RALGPS1: variants seen among roughly 807,000 people sequenced by gnomAD.
The protein encoded by RALGPS1 is ras-specific guanine nucleotide-releasing factor RalGPS1.
RALGPS1 carries 19 observed loss-of-function variants against 78.8 expected under a neutral mutation model. That is an observed-to-expected ratio of 0.24 (90% CI 0.17 to 0.35). The LOEUF is 0.35. RALGPS1 is among the 10% of genes least tolerant of loss of function. The pLI, the probability that RALGPS1 is intolerant of heterozygous loss-of-function variation, is 1.00. For missense variants in RALGPS1, 454 were observed against 688.3 expected (o/e 0.66, Z 3.81); for synonymous variants, 228 against 256.3 (o/e 0.89, Z 1.06).
rs189386131 is a variant in RALGPS1, at chr9:127,184,235, G to T, written c.910+9453G>T. On this transcript the variant is annotated intron_variant, in intron 11 of 18. Transcript: ENST00000259351. ...AGCTCCTCAGGGCTTAGGCGAGATC[G>T]CTTGATCCCAGGAGGGGGAGGCTAC... 9 of 552,602 alleles carry T rather than the reference G, an allele frequency of 1.6e-5. No homozygotes were observed. The Admixed American group carries it at 2.1e-4, about 13-fold the overall frequency. The allele number at this position is 552,602 out of a possible 1,614,324, so 34.2% of individuals were successfully genotyped here.
chr9:127,106,231 A>G (rs924670173), intron 8 of RALGPS1, among the ~76,000 whole-genome samples: 5 of 148,866 alleles, frequency 3.4e-5, no homozygotes, highest in African/African-American at 4.9e-5. Context: ...ACAACATTCA[A>G]CTGAGCCTTT....
chr9:126,985,096 G>A (rs773986935), intron 4 of RALGPS1, among the ~76,000 whole-genome samples: 31 of 152,214 alleles, frequency 2.0e-4, no homozygotes, highest in Non-Finnish European at 4.4e-4. Context: ...GCTTGGCCCT[G>A]TGACTTGGTT....
chr9:127,086,823 C>G (rs1219558503), intron 8 of RALGPS1, among the ~76,000 whole-genome samples: 2 of 152,130 alleles, frequency 1.3e-5, no homozygotes, highest in African/African-American at 4.8e-5. Context: ...GTTCTAGCAG[C>G]TAGGGTGGAA....
intron 4 of RALGPS1, among the ~76,000 whole-genome samples, chr9:127,024,260 A>G (rs1484726625): frequency 1.3e-5 from 2 of 151,678 alleles, no homozygotes; most frequent in Admixed American, 6.6e-5. Context: ...CTTGTACATG[A>G]TAAATAGTAC....
At position 127,091,435 on chromosome 9, in the gene RALGPS1, G is replaced by C. The variant is rs532568489; in HGVS notation, c.610+22079G>C. On this transcript the variant is annotated intron_variant, in intron 8 of 18. Coordinates refer to ENST00000259351, the MANE Select transcript of RALGPS1 (RefSeq NM_014636.3). The surrounding 1 kb of genome is among the most constrained non-coding windows in gnomAD (Gnocchi z 4.3). ...TGATTTGTATACCTCTTTATGTCTCGCCCCATCCCATTTTTTTTTTCTTAA... is the reference window on the plus strand; with the variant it reads ...TGATTTGTATACCTCTTTATGTCTCCCCCCATCCCATTTTTTTTTTCTTAA... 6.6e-6 allele frequency among the ~76,000 whole-genome samples: 1 copy of C among 152,014 alleles called. No individual in the cohort carries two copies. Among genetic ancestry groups the C allele is most frequent in the Non-Finnish European group, 1.5e-5 (1 of 67,974 alleles).
intron 4 of RALGPS1, among the ~76,000 whole-genome samples, chr9:127,023,609 C>T (rs1399054259): frequency 1.3e-5 from 2 of 152,190 alleles, no homozygotes; most frequent in Non-Finnish European, 2.9e-5. Flanking sequence ...TCCCTCAGTG[C>T]TAACGCTCCC....
At position 127,091,764 on chromosome 9, in the gene RALGPS1, C is replaced by T. The variant is rs774784891; in HGVS notation, c.610+22408C>T. 2 of 1,614,044 alleles carry T rather than the reference C, an allele frequency of 1.2e-6. No individual in the cohort carries two copies. Among genetic ancestry groups the T allele is most frequent in the Admixed American group, 3.3e-5 (2 of 60,004 alleles). On this transcript the variant is annotated intron_variant, in intron 8 of 18. Coordinates refer to ENST00000259351, the MANE Select transcript of RALGPS1 (RefSeq NM_014636.3). This position sits in a 1 kb window ranked among gnomAD's most constrained non-coding sequence, Gnocchi z 4.3. ...CCGCATTGCCATGGTAGCGCCCCAG[C>T]CGCAGCTTATAATACTCGCTCTCAG... is the stretch of plus-strand genomic sequence containing the variant.
chr9:127,087,700 A>C (rs1437620068), intron 8 of RALGPS1: 2 of 152,146 alleles, frequency 1.3e-5, no homozygotes, highest in African/African-American at 2.4e-5. Context: ...CTGATTATTC[A>C]ACTCCTGAGA....
chr9:127,155,726 T>C (rs1347633962), intron 8 of RALGPS1, among the ~76,000 whole-genome samples: 5 of 152,108 alleles, frequency 3.3e-5, no homozygotes, highest in Admixed American at 3.3e-4. Flanking sequence ...TATGAGGGGA[T>C]AGGAAGCACT....
intron 8 of RALGPS1, among the ~76,000 whole-genome samples, chr9:127,070,849 G>C (rs1424022079): frequency 1.3e-5 from 2 of 151,570 alleles, no homozygotes; most frequent in East Asian, 3.9e-4. Flanking sequence ...TGTTTATTTA[G>C]ATTTTCTTTC....
chr9:127,108,707 A>C (rs765365728), intron 8 of RALGPS1: 4 of 1,612,040 alleles, frequency 2.5e-6, no homozygotes, highest in Admixed American at 3.3e-5. Context: ...CCGAGCCACC[A>C]GCATGTCACG....
chr9:127,138,624 G>A (rs989051486), intron 8 of RALGPS1, among the ~76,000 whole-genome samples: 35 of 152,178 alleles, frequency 2.3e-4, no homozygotes, highest in African/African-American at 8.0e-4. Context: ...CATCAGCCCT[G>A]CAGAGCCACA....
chr9:127,087,135 G>T (rs888133471), intron 8 of RALGPS1, among the ~76,000 whole-genome samples: 2 of 152,170 alleles, frequency 1.3e-5, no homozygotes, highest in African/African-American at 4.8e-5. Flanking sequence ...ATGTGGGGAA[G>T]TGGAGCTCCA....
intron 1 of RALGPS1, among the ~76,000 whole-genome samples, chr9:126,941,390 A>G (rs1004876792): frequency 6.6e-6 from 1 of 152,226 alleles, no homozygotes; most frequent in African/African-American, 2.4e-5. Context: ...ATTATTACAC[A>G]TTGTATACCT....
chr9:127,177,220 A>G (rs1266798303), intron 11 of RALGPS1, among the ~76,000 whole-genome samples: 2 of 152,070 alleles, frequency 1.3e-5, no homozygotes, highest in East Asian at 1.9e-4. Flanking sequence ...GGGTGGATGA[A>G]GAGCCAGGCT....
intron 14 of RALGPS1, chr9:127,210,663 T>C: frequency 4.7e-6 from 7 of 1,496,686 alleles, no homozygotes; most frequent in Non-Finnish European, 6.4e-6. Flanking sequence ...CTTTCAAAGC[T>C]GTTGCTAAAA....
chr9:127,125,678 T>G (rs756278136), intron 8 of RALGPS1, among the ~76,000 whole-genome samples: 2 of 152,244 alleles, frequency 1.3e-5, no homozygotes, highest in African/African-American at 4.8e-5. Context: ...CTCCTGGATC[T>G]CCGTGTCCCC....
At position 126,956,109 on chromosome 9, in the gene RALGPS1, T is replaced by A. The variant is rs1335294506; in HGVS notation, c.-65-6116T>A. Among the ~76,000 whole-genome samples, 8 of 152,188 alleles carry A rather than the reference T, an allele frequency of 5.3e-5. No homozygotes were observed. The East Asian group carries it at 1.5e-3, about 29-fold the overall frequency. Reference sequence around the variant, plus strand: ...CCGAGGGTGTGGCACCTTAGCTTAGTTGACCAGCAGAGACTTAATATCTCA... The same window carrying A: ...CCGAGGGTGTGGCACCTTAGCTTAGATGACCAGCAGAGACTTAATATCTCA... On this transcript the variant is annotated intron_variant, in intron 1 of 18. Coordinates refer to ENST00000259351, the MANE Select transcript of RALGPS1 (RefSeq NM_014636.3).
intron 1 of RALGPS1, among the ~76,000 whole-genome samples, chr9:126,941,348 G>T (rs958477964): frequency 3.9e-5 from 6 of 152,152 alleles, no homozygotes; most frequent in Non-Finnish European, 8.8e-5. Context: ...ATAAGTGCTT[G>T]AGGTGACAGA....
Sources: gnomAD v4.1 joint callset for allele counts (sites outside exome capture counted in the v4.1 genomes callset) on GRCh38, gnomAD v4.1.1 for gene constraint, Gnocchi (gnomAD v3.1) non-coding constraint, MANE v1.5 for transcripts, NCBI Gene and HGNC (gene_info 2026-07-23, HGNC 2026-07-21) for gene names.